CLEC12B: variants seen among roughly 807,000 people sequenced by gnomAD.
CLEC12B encodes C-type lectin domain family 12 member B, also known as macrophage antigen h.
A neutral mutation model predicts 36.1 loss-of-function variants in CLEC12B; 25 were observed. The observed-to-expected ratio is 0.69, with a 90% CI of 0.50 to 0.97. The LOEUF (loss-of-function observed/expected upper bound fraction) is 0.97, where lower values mean the gene tolerates loss of function less well. Among genes scored for constraint, CLEC12B ranks in the 50% least tolerant of loss-of-function variants. The pLI is 0.00. For synonymous variants in CLEC12B, 110 were observed against 108.5 expected (o/e 1.01, Z -0.09); for missense variants, 325 against 318.4 (o/e 1.02, Z -0.16).
Position 10,013,426 on chromosome 12 carries a change from A to C in CLEC12B, c.190+543A>C, listed in dbSNP as rs377560263. On this transcript the variant is annotated intron_variant, in intron 2 of 5. Transcript: ENST00000338896. ...CAAGTAAGAGAGTTGAACCATCTCC[A>C]CATGACAATGGAAGCTCCACTCTCA... 93 of 155,234 alleles carry C rather than the reference A, an allele frequency of 6.0e-4. 1 individual carries two copies. The South Asian group carries it at 0.018, about 30-fold the overall frequency. 9.6% of individuals were successfully genotyped at this position (155,234 alleles called of 1,614,324 possible). A position where few individuals can be genotyped will look rare whatever the true frequency, so the allele number is the denominator to read the frequency against.
chr12:10,015,357 G>T lies in CLEC12B; in HGVS notation c.515G>T (p.Cys172Phe). ...EKTWANSRKD[C>F]IDKNSTLVKI... Reference sequence around the variant, plus strand: ...ACCTGGGCTAACAGTAGAAAGGACTGCATAGACAAGAACTCCACCCTAGTG... The same window carrying T: ...ACCTGGGCTAACAGTAGAAAGGACTTCATAGACAAGAACTCCACCCTAGTG... Residue 172 changes from cysteine to phenylalanine, a missense_variant, in exon 4 of 6, where the codon TGC (cysteine) becomes TTC (phenylalanine). Transcript: ENST00000338896. 1 of 1,613,400 alleles carries T rather than the reference G, an allele frequency of 6.2e-7. No homozygotes were observed. The highest frequency in any genetic ancestry group is 8.5e-7 in the Non-Finnish European group (1 of 1,179,594).
Position 10,018,550 on chromosome 12 carries a change from T to C in CLEC12B, c.*69T>C, listed in dbSNP as rs534398961. 190 of 1,344,092 alleles carry C rather than the reference T, an allele frequency of 1.4e-4. No individual in the cohort carries two copies. In the African/African-American group the frequency reaches 2.5e-3, roughly 18 times the overall value. 83.3% of individuals were successfully genotyped at this position (1,344,092 alleles called of 1,614,324 possible). A position where few individuals can be genotyped will look rare whatever the true frequency, so the allele number is the denominator to read the frequency against. On this transcript the variant is annotated 3_prime_UTR_variant, in exon 6 of 6. Coordinates refer to ENST00000338896, the MANE Select transcript of CLEC12B (RefSeq NM_001129998.3). Reference sequence around the variant, plus strand: ...AAGCTCATATGAGGAAAGAGGAAACTACGGTACCAGAGCCAAACCAGCTTT... The same window carrying C: ...AAGCTCATATGAGGAAAGAGGAAACCACGGTACCAGAGCCAAACCAGCTTT...
At chr12:10,007,423 A>G (rs1029132455), upstream of CLEC12B, among the ~76,000 whole-genome samples, 1 of 152,200 alleles carries the variant, frequency 6.6e-6, no homozygotes, top group Non-Finnish European at 1.5e-5. Flanking sequence ...TGAGTAGTAC[A>G]ATTCAACCAC....
chr12:10,013,869 G>A (rs983109829), intron 2 of CLEC12B, among the ~76,000 whole-genome samples: 16 of 152,114 alleles, frequency 1.1e-4, no homozygotes, highest in Non-Finnish European at 1.6e-4. Flanking sequence ...ATTAGCAGCC[G>A]ATCTTCTACA....
chr12:10,006,726 G>A (rs1591858738), upstream of CLEC12B, among the ~76,000 whole-genome samples: 2 of 152,150 alleles, frequency 1.3e-5, no homozygotes, highest in Non-Finnish European at 2.9e-5. Flanking sequence ...TTTATACTGA[G>A]GTAATGTTGA....
chr12:10,010,907 C>T (rs917330801), intron 1 of CLEC12B, 57 bp downstream of exon 1: 2 of 1,115,636 alleles, frequency 1.8e-6, no homozygotes, highest in African/African-American at 3.1e-5. Flanking sequence ...GTGTTAAATG[C>T]TTTGAGGTGC....
At position 10,016,932 on chromosome 12, in the gene CLEC12B, C is replaced by A. The variant is rs191103197; in HGVS notation, c.680+1205C>A. 6.5e-4 allele frequency: 616 copies of A among 949,918 alleles called. 5 individuals carry two copies. In the African/African-American group the frequency reaches 0.011, roughly 16 times the overall value. The allele number at this position is 949,918 out of a possible 1,614,324, so 58.8% of individuals were successfully genotyped here. A position where few individuals can be genotyped will look rare whatever the true frequency, so the allele number is the denominator to read the frequency against. The stretch of plus-strand genomic sequence containing the variant: ...CTTTTTATCTACCTTCCTCCCCCAA[C>A]AAATCATTATCCACCCCCCTCCCTC... On this transcript the variant is annotated intron_variant, in intron 5 of 5. Coordinates refer to ENST00000338896, the MANE Select transcript of CLEC12B (RefSeq NM_001129998.3).
intron 1 of CLEC12B, among the ~76,000 whole-genome samples, chr12:10,011,844 G>A (rs1865335209): frequency 1.3e-5 from 2 of 152,258 alleles, no homozygotes; most frequent in South Asian, 4.1e-4. Context: ...ACACATTTTT[G>A]CCTTGTTTTG....
chr12:10,012,983 T>A, intron 2 of CLEC12B, 100 bp downstream of exon 2: 1 of 856,976 alleles, frequency 1.2e-6, no homozygotes, highest in South Asian at 1.4e-5. Context: ...GCATCCTGAA[T>A]CGTCTGATAC....
upstream of CLEC12B, chr12:10,010,581 C>T (rs113165913): frequency 1.4e-5 from 7 of 488,078 alleles, no homozygotes; most frequent in Non-Finnish European, 3.7e-6. Context: ...TTTGGCTTTT[C>T]TCACTTTCTC....
At position 10,012,995 on chromosome 12, in the gene CLEC12B, T is replaced by G. The variant is rs1865371903; in HGVS notation, c.190+112T>G. On this transcript the variant is annotated intron_variant, in intron 2 of 5. Transcript: ENST00000338896. Reference sequence around the variant, plus strand: ...CTAGCATCCTGAATCGTCTGATACTTTTCTGCTGTCTCATATCTCTCCTAT... The same window carrying G: ...CTAGCATCCTGAATCGTCTGATACTGTTCTGCTGTCTCATATCTCTCCTAT... 3 of 763,882 alleles carry G rather than the reference T, an allele frequency of 3.9e-6. No homozygotes were observed. In the South Asian group the frequency reaches 4.4e-5, roughly 11 times the overall value. 47.3% of individuals were successfully genotyped at this position (763,882 alleles called of 1,614,324 possible). A position where few individuals can be genotyped will look rare whatever the true frequency, so the allele number is the denominator to read the frequency against.
rs1034313673 is a variant in CLEC12B at position 10,018,583 on chromosome 12, A to G, written c.*102A>G. 3 of 912,262 alleles carry G rather than the reference A, an allele frequency of 3.3e-6. No homozygotes were observed. The highest frequency in any genetic ancestry group is 5.0e-6 in the Non-Finnish European group (3 of 596,912). 56.5% of individuals were successfully genotyped at this position (912,262 alleles called of 1,614,324 possible). Reference sequence around the variant, plus strand: ...CAGAGCCAAACCAGCTTTTAAAATGACTGTGTATTTACATTATCAGACAAA... The same window carrying G: ...CAGAGCCAAACCAGCTTTTAAAATGGCTGTGTATTTACATTATCAGACAAA... On this transcript the variant is annotated 3_prime_UTR_variant, in exon 6 of 6. Transcript: ENST00000338896.
Position 10,018,562 on chromosome 12 carries a change from G to C in CLEC12B, c.*81G>C. The stretch of plus-strand genomic sequence containing the variant: ...GGAAAGAGGAAACTACGGTACCAGA[G>C]CCAAACCAGCTTTTAAAATGACTGT... On this transcript the variant is annotated 3_prime_UTR_variant, in exon 6 of 6. Coordinates refer to ENST00000338896, the MANE Select transcript of CLEC12B (RefSeq NM_001129998.3). The C allele has an allele frequency of 8.8e-7, 1 of 1,139,982 alleles. No homozygotes were observed. Among genetic ancestry groups the C allele is most frequent in the Non-Finnish European group, 1.2e-6 (1 of 803,278 alleles). 70.6% of individuals were successfully genotyped at this position (1,139,982 alleles called of 1,614,324 possible).
Position 10,012,818 on chromosome 12 carries a change from C to G in CLEC12B, c.125C>G (p.Ala42Gly). The stretch of plus-strand genomic sequence containing the variant: ...GCTCCATCTCCCATTTGGCGTCATG[C>G]TGCTCTGGGTCTGGTAACTCTTTGC... The part of the protein sequence containing the change: ...HPAPSPIWRH[A>G]ALGLVTLCLM... The change falls in exon 2 of 6, where the codon GCT (alanine) becomes GGT (glycine). Residue 42 changes from alanine (A) to glycine (G), a missense_variant. Ala to Gly is a moderately conservative substitution (Grantham distance 60, BLOSUM62 0). Transcript: ENST00000338896. 6.2e-7 allele frequency: 1 copy of G among 1,613,776 alleles called. No individual in the cohort carries two copies. Among genetic ancestry groups the G allele is most frequent in the Non-Finnish European group, 8.5e-7 (1 of 1,179,874 alleles).
intron 5 of CLEC12B, chr12:10,017,357 T>C: frequency 1.0e-6 from 1 of 985,268 alleles, no homozygotes. Flanking sequence ...AGACTGAGGG[T>C]TTCCAGGAGT....
chr12:10,018,201 G>C, intron 5 of CLEC12B, 130 bp from the exon 6 acceptor site: 1 of 687,602 alleles, frequency 1.5e-6, no homozygotes, highest in Non-Finnish European at 2.2e-6. Flanking sequence ...TTCAGATTTT[G>C]AAGCTTTGTG....
At chr12:10,009,281 G>A (rs146083948), upstream of CLEC12B, among the ~76,000 whole-genome samples, 728 of 151,726 alleles carry the variant, frequency 4.8e-3, 2 homozygotes, top group African/African-American at 0.017. Flanking sequence ...GCAAAGGTCC[G>A]CGGCTTCATT....
intron 3 of CLEC12B, 55 bp from the exon 4 acceptor site, chr12:10,015,197 C>T: frequency 7.0e-7 from 1 of 1,430,964 alleles, no homozygotes; most frequent in Non-Finnish European, 9.6e-7. Flanking sequence ...TCAAAGCCTT[C>T]TCCAGTCACT....
rs145765357 is a variant in CLEC12B, at chr12:10,011,102, T to C, written c.91+252T>C. ...AAATTCTGACTGCACATGCCAGAAATTGAGCTTGGGGAATTAGAGATTTCT... is the reference window on the plus strand; with the variant it reads ...AAATTCTGACTGCACATGCCAGAAACTGAGCTTGGGGAATTAGAGATTTCT... On this transcript the variant is annotated intron_variant, in intron 1 of 5. Transcript: ENST00000338896. Among the ~76,000 whole-genome samples the C allele has an allele frequency of 3.5e-3, 533 of 152,282 alleles. 3 individuals are homozygous for C. Among genetic ancestry groups the C allele is most frequent in the African/African-American group, 0.012 (514 of 41,546 alleles).
Sources: allele counts gnomAD v4.1 joint callset (sites outside exome capture counted in the v4.1 genomes callset), GRCh38; gene constraint gnomAD v4.1.1; transcripts MANE v1.5; gene names NCBI Gene and HGNC (gene_info 2026-07-23, HGNC 2026-07-21).